The following GALNTL6 variants were observed in gnomAD, a reference collection of about 807,000 sequenced individuals.
GALNTL6 encodes the protein polypeptide N-acetylgalactosaminyltransferase-like 6.
A neutral mutation model predicts 73.7 loss-of-function variants in GALNTL6; 46 were observed. The observed-to-expected ratio is 0.62, with a 90% confidence interval of 0.49 to 0.80. The LOEUF is 0.80. GALNTL6 is among the 30% of genes least tolerant of loss of function. The pLI is 0.00. For missense variants in GALNTL6, 604 were observed against 755.0 expected (o/e 0.80, Z 2.34); for synonymous variants, 259 against 263.7 (o/e 0.98, Z 0.17).
chr4:172,314,625 T>TTTTCA (rs869031538), intron 4 of GALNTL6, among the ~76,000 whole-genome samples: 1 of 144,338 alleles, frequency 6.9e-6, no homozygotes, highest in Non-Finnish European at 1.5e-5. Context: ...TTTTTTTTTT[T>TTTTCA]GAGGCAGAGT....
At chr4:172,183,794 CTT>C (rs33972396) in intron 2 of GALNTL6, among the ~76,000 whole-genome samples, 23 of 134,600 alleles carry the variant, frequency 1.7e-4, no homozygotes, top group African/African-American at 3.0e-4. Flanking sequence ...CTGTTGAAGA[CTT>C]TTTTTTTTTT....
chr4:172,098,393 G>A (rs1732419565), intron 2 of GALNTL6, among the ~76,000 whole-genome samples: 1 of 152,086 alleles, frequency 6.6e-6, no homozygotes. Flanking sequence ...GGTGATATAT[G>A]AGTTGAGAGT....
chr4:172,698,295 T>C (rs1424362010), intron 5 of GALNTL6, among the ~76,000 whole-genome samples: 1 of 152,178 alleles, frequency 6.6e-6, no homozygotes, highest in Non-Finnish European at 1.5e-5. Context: ...TCTGAATTAT[T>C]TGAAGACCTC....
At chr4:172,215,806 T>G (rs979621555) in intron 2 of GALNTL6, among the ~76,000 whole-genome samples, 14 of 152,178 alleles carry the variant, frequency 9.2e-5, no homozygotes, top group African/African-American at 2.9e-4. Flanking sequence ...TTCTGCCTTG[T>G]GTAGTTTTAA....
At chr4:172,015,045 T>C (rs1350668461) in intron 2 of GALNTL6, among the ~76,000 whole-genome samples, 1 of 152,102 alleles carries the variant, frequency 6.6e-6, no homozygotes, top group African/African-American at 2.4e-5. Flanking sequence ...GGGTAGAATG[T>C]TCTGTAAATA....
At chr4:172,245,241 C>A (rs759118090) in intron 3 of GALNTL6, among the ~76,000 whole-genome samples, 3 of 152,054 alleles carry the variant, frequency 2.0e-5, no homozygotes, top group Non-Finnish European at 4.4e-5. Flanking sequence ...GTATTTTCTA[C>A]CAATTTGCCA....
intron 2 of GALNTL6, among the ~76,000 whole-genome samples, chr4:172,003,224 A>G (rs1017125904): frequency 9.2e-5 from 14 of 152,094 alleles, no homozygotes; most frequent in African/African-American, 3.4e-4. Flanking sequence ...AACTCTTTGG[A>G]GTAATACTTG....
At chr4:172,212,678 A>T (rs1736364680) in intron 2 of GALNTL6, among the ~76,000 whole-genome samples, 1 of 151,390 alleles carries the variant, frequency 6.6e-6, no homozygotes, top group Admixed American at 6.6e-5. Flanking sequence ...ATTTTATTTT[A>T]TTTTTTTAGA....
intron 2 of GALNTL6, among the ~76,000 whole-genome samples, chr4:171,836,876 G>A (rs1735108138): frequency 6.6e-6 from 1 of 152,102 alleles, no homozygotes; most frequent in Non-Finnish European, 1.5e-5. Flanking sequence ...GAGTTAATAT[G>A]TCAAGGGAAA....
At chr4:171,821,138 C>A (rs1442289709) in intron 2 of GALNTL6, among the ~76,000 whole-genome samples, 1 of 152,096 alleles carries the variant, frequency 6.6e-6, no homozygotes, top group Non-Finnish European at 1.5e-5. Context: ...TGGGCTCAAG[C>A]AGTCCTCCTG....
At chr4:172,626,017 G>C (rs1403735947) in intron 5 of GALNTL6, among the ~76,000 whole-genome samples, 4 of 152,058 alleles carry the variant, frequency 2.6e-5, no homozygotes, top group Non-Finnish European at 5.9e-5. Flanking sequence ...AAGCCCTTTA[G>C]TTTAATTAGA....
intron 5 of GALNTL6, among the ~76,000 whole-genome samples, chr4:172,381,155 A>AT (rs780398972): frequency 2.0e-5 from 3 of 152,162 alleles, no homozygotes; most frequent in Non-Finnish European, 4.4e-5. Context: ...ATTATTTGTT[A>AT]TTTTCTGTCA....
chr4:172,179,441 G>A (rs1290558246), intron 2 of GALNTL6, among the ~76,000 whole-genome samples: 1 of 134,662 alleles, frequency 7.4e-6, no homozygotes, highest in Non-Finnish European at 1.6e-5. Context: ...TTTTTTGGCT[G>A]CATAAATGTC....
chr4:172,556,744 C>CAA (rs111334750), intron 5 of GALNTL6, among the ~76,000 whole-genome samples: 9 of 119,792 alleles, frequency 7.5e-5, no homozygotes, highest in African/African-American at 2.2e-4. Flanking sequence ...AGACCCACAC[C>CAA]AAAAAAAAAA....
chr4:172,383,811 G>T (rs2111288272), intron 5 of GALNTL6, among the ~76,000 whole-genome samples: 1 of 152,112 alleles, frequency 6.6e-6, no homozygotes, highest in Admixed American at 6.5e-5. Flanking sequence ...TTTCTTGAAA[G>T]CTCTTATCAT....
At chr4:172,594,200 G>A (rs1388928771) in intron 5 of GALNTL6, among the ~76,000 whole-genome samples, 2 of 151,090 alleles carry the variant, frequency 1.3e-5, no homozygotes, top group East Asian at 1.9e-4. Flanking sequence ...CAAAAAATTA[G>A]CCAGGCCTAG....
At chr4:172,914,967 C>G (rs574113402) in intron 8 of GALNTL6, among the ~76,000 whole-genome samples, 1 of 152,190 alleles carries the variant, frequency 6.6e-6, no homozygotes, top group Non-Finnish European at 1.5e-5. Context: ...CACCACATCG[C>G]ACTTATTTCA....
intron 2 of GALNTL6, among the ~76,000 whole-genome samples, chr4:172,165,763 C>A (rs1280452175): frequency 6.6e-6 from 1 of 152,134 alleles, no homozygotes; most frequent in Non-Finnish European, 1.5e-5. Flanking sequence ...TTTTGAATCT[C>A]TTATGAAAAT....
At chr4:172,365,943 A>T (rs1410704077) in intron 5 of GALNTL6, among the ~76,000 whole-genome samples, 1 of 152,110 alleles carries the variant, frequency 6.6e-6, no homozygotes, top group Non-Finnish European at 1.5e-5. Flanking sequence ...GCCTTATATA[A>T]CTGTAAAAAA....
Sources: allele counts gnomAD v4.1 joint callset (sites outside exome capture counted in the v4.1 genomes callset), GRCh38; gene constraint gnomAD v4.1.1; transcripts MANE v1.5; gene names NCBI Gene and HGNC (gene_info 2026-07-23, HGNC 2026-07-21).